ISM1: variants seen among roughly 807,000 people sequenced by gnomAD.
ISM1 encodes the protein isthmin-1.
In ISM1, 25 loss-of-function variants were observed where a neutral mutation model predicts 46.3. That is an observed-to-expected ratio of 0.54 (90% CI 0.39 to 0.75). The LOEUF is 0.75. Among genes scored for constraint, ISM1 ranks in the 30% least tolerant of loss-of-function variants. The pLI is 0.00. For synonymous variants in ISM1, 255 were observed against 256.7 expected (o/e 0.99, Z 0.06); for missense variants, 536 against 625.4 (o/e 0.86, Z 1.52).
chr20:13,233,923 GT>G (rs1442182235), intron 1 of ISM1, among the ~76,000 whole-genome samples: 6 of 152,158 alleles, frequency 3.9e-5, no homozygotes, highest in African/African-American at 1.4e-4. Flanking sequence ...TAAAATAAGA[GT>G]TTTAAGCCAT....
At chr20:13,280,400 C>CT (rs941087724) in intron 3 of ISM1, among the ~76,000 whole-genome samples, 34 of 147,718 alleles carry the variant, frequency 2.3e-4, no homozygotes, top group Admixed American at 2.2e-3. Context: ...AACCCCCCCC[C>CT]CCCAATACAT....
intron 3 of ISM1, among the ~76,000 whole-genome samples, chr20:13,281,042 C>T (rs893062696): frequency 6.6e-6 from 1 of 152,220 alleles, no homozygotes; most frequent in Non-Finnish European, 1.5e-5. Context: ...GTATATTAGA[C>T]AGTCATTTCT....
chr20:13,298,899 G>A lies in ISM1; in HGVS notation c.878-43G>A, dbSNP rs141402001. On this transcript the variant is annotated intron_variant, in intron 5 of 5. Coordinates refer to ENST00000262487, the MANE Select transcript of ISM1 (RefSeq NM_080826.2). ...CTCCTTGAAGCACCTCCTGTGGGCC[G>A]GTTGTACACGCGGTGAGAGGGTTTC... 1.8e-3 allele frequency: 2,795 copies of A among 1,593,250 alleles called. 2 individuals carry two copies. Among genetic ancestry groups the A allele is most frequent in the Non-Finnish European group, 1.8e-3 (2,082 of 1,168,176 alleles).
intron 2 of ISM1, among the ~76,000 whole-genome samples, chr20:13,277,035 G>A (rs1484875403): frequency 6.6e-6 from 1 of 151,998 alleles, no homozygotes; most frequent in Non-Finnish European, 1.5e-5. Context: ...ACCTCTAAGT[G>A]TTGAGATTTA....
chr20:13,259,794 A>G (rs143422855), intron 1 of ISM1, among the ~76,000 whole-genome samples: 1 of 152,332 alleles, frequency 6.6e-6, no homozygotes, highest in East Asian at 1.9e-4. Context: ...GTGAAGATAC[A>G]TGCTCCTACA....
chr20:13,317,959 A>ATTAAACT, the ISM1 span, among the ~76,000 whole-genome samples: 17,395 of 151,902 alleles, frequency 0.11, 1,149 homozygotes, highest in Admixed American at 0.18. Context: ...CTTCATTAAA[A>ATTAAACT]TTAAACTTTT....
the ISM1 span, among the ~76,000 whole-genome samples, chr20:13,319,438 G>A: frequency 5.9e-5 from 9 of 152,222 alleles, no homozygotes; most frequent in Non-Finnish European, 5.9e-5. Context: ...GTTTCACAGA[G>A]GTCAAGGGTT....
intron 1 of ISM1, among the ~76,000 whole-genome samples, chr20:13,226,690 C>G (rs1285734076): frequency 6.6e-6 from 1 of 152,196 alleles, no homozygotes; most frequent in East Asian, 1.9e-4. Flanking sequence ...TAGGTTTGCT[C>G]TCCATATAAT....
chr20:13,259,581 A>G (rs562061895), intron 1 of ISM1, among the ~76,000 whole-genome samples: 1 of 152,376 alleles, frequency 6.6e-6, no homozygotes, highest in Admixed American at 6.5e-5. Context: ...ACAGATGTTT[A>G]TAAAGTTAGT....
rs1180859604 is a variant in ISM1 at position 13,299,963 on chromosome 20, A to C, written c.*504A>C. The C allele has an allele frequency of 6.6e-6, 1 of 152,624 alleles. No homozygotes were observed. The highest frequency in any genetic ancestry group is 1.5e-5 in the Non-Finnish European group (1 of 68,348). 9.5% of individuals were successfully genotyped at this position (152,624 alleles called of 1,614,324 possible). A position where few individuals can be genotyped will look rare whatever the true frequency, so the allele number is the denominator to read the frequency against. Reference sequence around the variant, plus strand: ...AGAGACTTAGGGAAGTGGAAGAGAAAGGGAATTTTGGAATTTATTTCTTTA... The same window carrying C: ...AGAGACTTAGGGAAGTGGAAGAGAACGGGAATTTTGGAATTTATTTCTTTA... On this transcript the variant is annotated 3_prime_UTR_variant, in exon 6 of 6. Coordinates refer to ENST00000262487, the MANE Select transcript of ISM1 (RefSeq NM_080826.2). The surrounding 1 kb of genome is among the most constrained non-coding windows in gnomAD (Gnocchi z 5.8).
chr20:13,284,092 A>C (rs1382002708), intron 3 of ISM1, among the ~76,000 whole-genome samples: 1 of 152,232 alleles, frequency 6.6e-6, no homozygotes, highest in Non-Finnish European at 1.5e-5. Context: ...TAAAAAGAGG[A>C]TGTTTCCACC....
the ISM1 span, among the ~76,000 whole-genome samples, chr20:13,312,748 T>C: frequency 1.3e-5 from 2 of 152,122 alleles, no homozygotes; most frequent in South Asian, 2.1e-4. Flanking sequence ...CTCTGGGAAA[T>C]CATCACACTT....
chr20:13,291,595 T>C (rs1300834290), intron 4 of ISM1, among the ~76,000 whole-genome samples: 1 of 152,150 alleles, frequency 6.6e-6, no homozygotes, highest in Non-Finnish European at 1.5e-5. Context: ...TTCCTGATTG[T>C]AAAGGAAGCT....
At chr20:13,256,640 T>G (rs1249966643) in intron 1 of ISM1, among the ~76,000 whole-genome samples, 1 of 152,064 alleles carries the variant, frequency 6.6e-6, no homozygotes, top group African/African-American at 2.4e-5. Context: ...AGGCTGGCAA[T>G]GGTGGTGTTG....
At chr20:13,315,103 G>C in the ISM1 span, among the ~76,000 whole-genome samples, 1 of 150,766 alleles carries the variant, frequency 6.6e-6, no homozygotes, top group Middle Eastern at 3.4e-3. Flanking sequence ...AACCACGAAA[G>C]GCAGAAAAAG....
At chr20:13,230,677 TG>T (rs1189783408) in intron 1 of ISM1, among the ~76,000 whole-genome samples, 3 of 151,298 alleles carry the variant, frequency 2.0e-5, no homozygotes, top group South Asian at 4.2e-4. Context: ...AGAGATGGGA[TG>T]GGGGTGTCGG....
chr20:13,225,007 G>A (rs1430582122), intron 1 of ISM1, among the ~76,000 whole-genome samples: 15 of 141,080 alleles, frequency 1.1e-4, no homozygotes, highest in East Asian at 3.9e-4. Context: ...CACCACGCCC[G>A]GCTAATTTTT....
intron 3 of ISM1, among the ~76,000 whole-genome samples, chr20:13,280,822 C>A (rs1568684695): frequency 6.6e-6 from 1 of 152,140 alleles, no homozygotes; most frequent in Admixed American, 6.5e-5. Flanking sequence ...AAGAGGAACC[C>A]AATTTGGCAA....
rs1326978624 is a variant in ISM1, at chr20:13,298,833, T to G, written c.878-109T>G. On this transcript the variant is annotated intron_variant, in intron 5 of 5. Transcript: ENST00000262487. ...GACTTCAGGGAGTTGTTGACTTTAGTGTCCTCCTGCGGGCCCTCAGGAGCA... is the reference window on the plus strand; with the variant it reads ...GACTTCAGGGAGTTGTTGACTTTAGGGTCCTCCTGCGGGCCCTCAGGAGCA... 5 of 1,052,430 alleles carry G rather than the reference T, an allele frequency of 4.8e-6. No homozygotes were observed. In the Admixed American group the frequency reaches 1.2e-4, roughly 25 times the overall value. 65.2% of individuals were successfully genotyped at this position (1,052,430 alleles called of 1,614,324 possible). A position where few individuals can be genotyped will look rare whatever the true frequency, so the allele number is the denominator to read the frequency against.
Sources: gnomAD v4.1 joint callset for allele counts (sites outside exome capture counted in the v4.1 genomes callset) on GRCh38, gnomAD v4.1.1 for gene constraint, Gnocchi (gnomAD v3.1) non-coding constraint, MANE v1.5 for transcripts, NCBI Gene and HGNC (gene_info 2026-07-23, HGNC 2026-07-21) for gene names.